The following EYS variants were observed in gnomAD, a reference collection of about 807,000 sequenced individuals.
EYS encodes protein eyes shut homolog.
EYS carries 250 observed loss-of-function variants against 282.1 expected under a neutral mutation model. That is an observed-to-expected ratio of 0.89 (90% confidence interval 0.80 to 0.98). The LOEUF (loss-of-function observed/expected upper bound fraction) is 0.98. Ranked by LOEUF, EYS falls within the 50% of genes least tolerant of loss-of-function variation. The pLI, the probability that EYS is intolerant of heterozygous loss-of-function variation, is 0.00. For synonymous variants in EYS, 1,355 were observed against 1,282.9 expected (o/e 1.06, Z -1.20); for missense variants, 4,016 against 3,709.0 (o/e 1.08, Z -2.15).
At chr6:64,034,911 C>A (rs1346148242) in intron 33 of EYS, among the ~76,000 whole-genome samples, 1 of 152,094 alleles carries the variant, frequency 6.6e-6, no homozygotes, top group African/African-American at 2.4e-5. Flanking sequence ...CTTACCAAAG[C>A]AACATGTGGT....
At chr6:64,932,239 G>A (rs1046079717) in intron 15 of EYS, among the ~76,000 whole-genome samples, 1 of 151,970 alleles carries the variant, frequency 6.6e-6, no homozygotes, top group African/African-American at 2.4e-5. Context: ...CCAGTGGAGG[G>A]GGAGGGGATA....
intron 13 of EYS, among the ~76,000 whole-genome samples, chr6:65,042,505 A>AT (rs1466410788): frequency 4.7e-5 from 7 of 150,300 alleles, no homozygotes; most frequent in South Asian, 2.1e-4. Flanking sequence ...CCCTTTTTAA[A>AT]TTTTTTTTTA....
rs1774185719 is a variant in EYS at position 64,137,078 on chromosome 6, C to T, written c.6425-55076G>A. Among the ~76,000 whole-genome samples the T allele has an allele frequency of 2.6e-5, 4 of 152,148 alleles. 1 individual carries two copies. In the South Asian group the frequency reaches 8.3e-4, roughly 31 times the overall value. On this transcript the variant is annotated intron_variant, in intron 31 of 42. Transcript: ENST00000503581. Reference sequence around the variant, plus strand: ...ACATCTTCTGAACAACTTGCTGCAGCTTCTACATCATCACTTGTTGCTTCA... The same window carrying T: ...ACATCTTCTGAACAACTTGCTGCAGTTTCTACATCATCACTTGTTGCTTCA...
At chr6:64,628,826 A>G (rs1049822904) in intron 22 of EYS, among the ~76,000 whole-genome samples, 1 of 152,178 alleles carries the variant, frequency 6.6e-6, no homozygotes, top group Non-Finnish European at 1.5e-5. Context: ...TATAATTTGT[A>G]TTTTGCGATA....
Position 64,356,418 on chromosome 6 carries a change from G to T in EYS, c.6078+32272C>A, listed in dbSNP as rs531157278. On this transcript the variant is annotated intron_variant, in intron 29 of 42. Transcript: ENST00000503581. ...GCTACATTGGTGTCCCATAAGAGTT[G>T]GCACAGCTTCCAAAATTACTTAGCC... Among the ~76,000 whole-genome samples, 6 of 151,650 alleles carry T rather than the reference G, an allele frequency of 4.0e-5. No individual in the cohort carries two copies. In the East Asian group the frequency reaches 1.2e-3, roughly 30 times the overall value.
At chr6:65,657,745 G>A (rs1008357115) in intron 1 of EYS, among the ~76,000 whole-genome samples, 1 of 151,886 alleles carries the variant, frequency 6.6e-6, no homozygotes, top group Non-Finnish European at 1.5e-5. Flanking sequence ...CAGGGTTTGA[G>A]AGGATTGACT....
At chr6:65,215,938 T>C (rs1422479775) in intron 12 of EYS, among the ~76,000 whole-genome samples, 7 of 152,186 alleles carry the variant, frequency 4.6e-5, no homozygotes, top group Admixed American at 4.6e-4. Context: ...TACTGTGGAC[T>C]TAACAGAATA....
At chr6:64,691,348 G>A (rs552080107) in intron 22 of EYS, among the ~76,000 whole-genome samples, 2 of 152,178 alleles carry the variant, frequency 1.3e-5, no homozygotes, top group African/African-American at 4.8e-5. Flanking sequence ...TCTATACACA[G>A]AGAACAAGAT....
chr6:64,486,128 G>T (rs1776574852), intron 26 of EYS, among the ~76,000 whole-genome samples: 1 of 151,504 alleles, frequency 6.6e-6, no homozygotes, highest in Non-Finnish European at 1.5e-5. Flanking sequence ...TGTAATATTA[G>T]AAATAAAAAG....
intron 13 of EYS, among the ~76,000 whole-genome samples, chr6:65,038,532 C>T (rs1293098198): frequency 6.6e-6 from 1 of 151,346 alleles, no homozygotes; most frequent in Non-Finnish European, 1.5e-5. Context: ...AATAAAACTG[C>T]TATAAACATG....
At chr6:64,384,286 G>A (rs1922951) in intron 29 of EYS, among the ~76,000 whole-genome samples, 109,988 of 151,968 alleles carry the variant, frequency 0.72, 39,925 homozygotes, top group African/African-American at 0.8. Flanking sequence ...AAATTAAATT[G>A]TTAAACTTCT....
chr6:65,023,717 G>A (rs189538720), intron 13 of EYS, among the ~76,000 whole-genome samples: 2 of 152,200 alleles, frequency 1.3e-5, no homozygotes, highest in Non-Finnish European at 2.9e-5. Flanking sequence ...AGGAGACTCG[G>A]GTTTGCTTGC....
chr6:64,236,815 A>T (rs1253829139), intron 30 of EYS, among the ~76,000 whole-genome samples: 1 of 150,272 alleles, frequency 6.7e-6, no homozygotes, highest in Admixed American at 6.6e-5. Flanking sequence ...ATTATACTTT[A>T]AGTTCTAGGG....
intron 2 of EYS, among the ~76,000 whole-genome samples, chr6:65,547,712 T>A (rs1768444551): frequency 6.6e-6 from 1 of 152,300 alleles, no homozygotes; most frequent in South Asian, 2.1e-4. Flanking sequence ...TTGAAAATTG[T>A]CTGTATCTTT....
chr6:64,248,829 C>A (rs573427850), intron 30 of EYS, among the ~76,000 whole-genome samples: 2 of 151,872 alleles, frequency 1.3e-5, no homozygotes, highest in East Asian at 1.9e-4. Context: ...CCAAGGCAGG[C>A]GAATTGTGTT....
intron 5 of EYS, among the ~76,000 whole-genome samples, chr6:65,457,668 C>T (rs538058700): frequency 2.5e-4 from 38 of 151,920 alleles, no homozygotes; most frequent in Non-Finnish European, 4.4e-4. Flanking sequence ...CACACTCTGA[C>T]GAATAAAAAA....
chr6:64,464,800 GAA>G (rs748301862), intron 26 of EYS, among the ~76,000 whole-genome samples: 4 of 151,752 alleles, frequency 2.6e-5, no homozygotes, highest in Non-Finnish European at 5.9e-5. Flanking sequence ...ATTCTAGAGA[GAA>G]AAAATATTTC....
intron 12 of EYS, among the ~76,000 whole-genome samples, chr6:65,171,122 G>A (rs992554560): frequency 1.3e-5 from 2 of 151,470 alleles, no homozygotes; most frequent in Admixed American, 1.3e-4. Context: ...TCTGTTACTT[G>A]AATTTTAAAT....
chr6:65,651,057 T>C (rs576609772), intron 1 of EYS, among the ~76,000 whole-genome samples: 113 of 152,148 alleles, frequency 7.4e-4, no homozygotes, highest in African/African-American at 2.7e-3. Context: ...AATTTAAATA[T>C]AAAAACCTTT....
Sources: allele counts gnomAD v4.1 joint callset (sites outside exome capture counted in the v4.1 genomes callset), GRCh38; gene constraint gnomAD v4.1.1; transcripts MANE v1.5; gene names NCBI Gene and HGNC (gene_info 2026-07-23, HGNC 2026-07-21).